The following ERC2 variants were observed in gnomAD, a reference collection of about 807,000 sequenced individuals.
ERC2 encodes ELKS/RAB6-interacting/CAST family member 2.
Under a neutral mutation model 114.8 loss-of-function variants are expected in ERC2, and 42 were observed. The observed-to-expected ratio is 0.37, with a 90% confidence interval of 0.29 to 0.47. ERC2 has a LOEUF of 0.47. Among genes scored for constraint, ERC2 ranks in the 20% least tolerant of loss-of-function variants. The pLI, the probability that ERC2 is intolerant of heterozygous loss-of-function variation, is 0.99. For synonymous variants in ERC2, 454 were observed against 425.5 expected (o/e 1.07, Z -0.82); for missense variants, 939 against 1,150.7 (o/e 0.82, Z 2.66).
intron 2 of ERC2, among the ~76,000 whole-genome samples, chr3:56,311,231 TTCTCTCTCTCTC>T (rs370683995): frequency 0.03 from 2,871 of 94,776 alleles, 44 homozygotes; most frequent in African/African-American, 0.034. Flanking sequence ...ATCCATCATC[TTCTCTCTCTCTC>T]TCTCTCTCTC....
At chr3:55,651,317 C>T (rs2060612771) in intron 17 of ERC2, among the ~76,000 whole-genome samples, 1 of 152,144 alleles carries the variant, frequency 6.6e-6, no homozygotes, top group Non-Finnish European at 1.5e-5. Context: ...CGTCTAGAAC[C>T]AAACTCTCTC....
chr3:55,688,946 A>G (rs1371771143), intron 16 of ERC2, among the ~76,000 whole-genome samples: 1 of 152,186 alleles, frequency 6.6e-6, no homozygotes, highest in Non-Finnish European at 1.5e-5. Flanking sequence ...CCCCTCTTCT[A>G]TCGCACGAGC....
Position 56,425,713 on chromosome 3 carries a change from TGGCTTGTTG to T in ERC2, c.657+8629_657+8637del, listed in dbSNP as rs2061546571. ...CATTGAACCTCCCTGAAACATGCCA[TGGCTTGTTG>T]GGGTGGGGGGAGGTTATCAGGACTG... On this transcript the variant is annotated intron_variant, in intron 2 of 17. Coordinates refer to ENST00000288221, the MANE Select transcript of ERC2 (RefSeq NM_015576.3). Among the ~76,000 whole-genome samples the T allele has an allele frequency of 7.2e-5, 11 of 152,272 alleles. No homozygotes were observed. The South Asian group carries it at 2.3e-3, about 32-fold the overall frequency.
intron 3 of ERC2, among the ~76,000 whole-genome samples, chr3:56,283,775 A>C (rs750483457): frequency 6.6e-6 from 1 of 152,250 alleles, no homozygotes; most frequent in Non-Finnish European, 1.5e-5. Flanking sequence ...TCTTTGGAGA[A>C]ATATTTTTAA....
chr3:55,881,350 C>T (rs1215616179), intron 14 of ERC2, among the ~76,000 whole-genome samples: 1 of 152,062 alleles, frequency 6.6e-6, no homozygotes, highest in Admixed American at 6.5e-5. Context: ...CGTCTAAAAC[C>T]CAACAATACC....
intron 13 of ERC2, among the ~76,000 whole-genome samples, chr3:55,912,867 C>T (rs7627809): frequency 1.3e-3 from 196 of 152,214 alleles, no homozygotes; most frequent in African/African-American, 4.6e-3. Flanking sequence ...AAGCACAAAC[C>T]CAGGACCCAG....
At chr3:55,681,101 C>T (rs1251535256) in intron 17 of ERC2, among the ~76,000 whole-genome samples, 1 of 152,134 alleles carries the variant, frequency 6.6e-6, no homozygotes, top group African/African-American at 2.4e-5. Flanking sequence ...TGTCAAAACT[C>T]TTTAGAAAAG....
chr3:55,703,223 A>T (rs887480321), intron 15 of ERC2, among the ~76,000 whole-genome samples: 1 of 152,090 alleles, frequency 6.6e-6, no homozygotes, highest in Non-Finnish European at 1.5e-5. Context: ...GGCTCCCGCC[A>T]CACTCAGGAA....
chr3:55,944,326 T>C (rs1485051390), intron 13 of ERC2, among the ~76,000 whole-genome samples: 1 of 152,226 alleles, frequency 6.6e-6, no homozygotes, highest in East Asian at 1.9e-4. Context: ...AACCCCACTC[T>C]GTCTTCAGGG....
chr3:56,127,622 C>G (rs1262932556), intron 6 of ERC2, among the ~76,000 whole-genome samples: 1 of 151,796 alleles, frequency 6.6e-6, no homozygotes, highest in Non-Finnish European at 1.5e-5. Context: ...ACTCGGGAGG[C>G]TGAGGCAGGA....
intron 17 of ERC2, among the ~76,000 whole-genome samples, chr3:55,652,273 T>C (rs900977398): frequency 6.6e-6 from 1 of 152,238 alleles, no homozygotes; most frequent in African/African-American, 2.4e-5. Flanking sequence ...TAGCTGATGG[T>C]TTGCGACAAC....
intron 13 of ERC2, among the ~76,000 whole-genome samples, chr3:55,918,927 T>TA (rs1199481450): frequency 2.6e-5 from 4 of 151,906 alleles, no homozygotes; most frequent in African/African-American, 9.7e-5. Flanking sequence ...AGATTCCTGA[T>TA]ATAAACAAGA....
chr3:56,383,571 A>G (rs1225786326), intron 2 of ERC2, among the ~76,000 whole-genome samples: 1 of 152,204 alleles, frequency 6.6e-6, no homozygotes, highest in Admixed American at 6.5e-5. Context: ...AATGTGCTGA[A>G]TGAATGAATG....
chr3:56,280,045 G>A (rs906656276), intron 3 of ERC2, among the ~76,000 whole-genome samples: 6 of 152,210 alleles, frequency 3.9e-5, no homozygotes, highest in Non-Finnish European at 8.8e-5. Context: ...TGGGCCCAAT[G>A]TAATCATAAG....
In ERC2 at chr3:55,810,857, T is replaced by C. The variant is rs988852146; in HGVS notation, c.2565-75939A>G. On this transcript the variant is annotated intron_variant, in intron 14 of 17. Coordinates refer to ENST00000288221, the MANE Select transcript of ERC2 (RefSeq NM_015576.3). ...AAGAGATGTCTCTCCTTCCCTCTAG[T>C]ATCATAAATGATTCTTTAATAGATG... is the stretch of plus-strand genomic sequence containing the variant. 5.2e-5 allele frequency among the ~76,000 whole-genome samples: 8 copies of C among 152,382 alleles called. No individual in the cohort carries two copies. The East Asian group carries it at 1.5e-3, about 29-fold the overall frequency.
chr3:55,551,017 A>G (rs77284474), intron 17 of ERC2, among the ~76,000 whole-genome samples: 1 of 146,726 alleles, frequency 6.8e-6, no homozygotes, highest in African/African-American at 2.5e-5. Context: ...CTCCGTCTCA[A>G]AAAAAAAAAA....
chr3:56,026,257 C>T (rs1351983409), intron 7 of ERC2, among the ~76,000 whole-genome samples: 1 of 151,804 alleles, frequency 6.6e-6, no homozygotes, highest in African/African-American at 2.4e-5. Flanking sequence ...ACCATGTTGG[C>T]CAGGCTGGTC....
chr3:56,443,958 ATTTTTT>A lies in ERC2; in HGVS notation c.-140-8817_-140-8812del, dbSNP rs11343406. On this transcript the variant is annotated intron_variant, in intron 1 of 17. Coordinates refer to ENST00000288221, the MANE Select transcript of ERC2 (RefSeq NM_015576.3). ...TGTGAACTCTTTAAAAATACCTACA[ATTTTTT>A]TTTTTTTTTTTTGGTTGAGATGGAG... 4.0e-4 allele frequency among the ~76,000 whole-genome samples: 32 copies of A among 80,254 alleles called. 1 individual carries two copies. Among genetic ancestry groups the A allele is most frequent in the African/African-American group, 1.6e-3 (30 of 19,120 alleles). The allele number at this position is 80,254 out of a possible 152,430, so 52.6% of individuals were successfully genotyped here. A position where few individuals can be genotyped will look rare whatever the true frequency, so the allele number is the denominator to read the frequency against.
chr3:55,593,684 T>G (rs1378486704), intron 17 of ERC2, among the ~76,000 whole-genome samples: 1 of 152,174 alleles, frequency 6.6e-6, no homozygotes, highest in Non-Finnish European at 1.5e-5. Context: ...GGTACTTTTA[T>G]GGGCCAATGA....
Sources: gnomAD v4.1 joint callset for allele counts (sites outside exome capture counted in the v4.1 genomes callset) on GRCh38, gnomAD v4.1.1 for gene constraint, MANE v1.5 for transcripts, NCBI Gene and HGNC (gene_info 2026-07-23, HGNC 2026-07-21) for gene names.